The following IREB2 variants were observed in gnomAD, a reference collection of about 807,000 sequenced individuals.
The protein encoded by IREB2 is iron responsive element binding protein 2.
In IREB2, 39 loss-of-function variants were observed where a neutral mutation model predicts 118.8. That is an observed-to-expected ratio of 0.33 (90% CI 0.25 to 0.43). The LOEUF is 0.43. IREB2 is among the 20% of genes least tolerant of loss of function. The pLI, the probability that IREB2 is intolerant of heterozygous loss-of-function variation, is 1.00. For synonymous variants in IREB2, 372 were observed against 392.2 expected (o/e 0.95, Z 0.61); for missense variants, 900 against 1,147.3 (o/e 0.78, Z 3.11).
intron 10 of IREB2, among the ~76,000 whole-genome samples, chr15:78,480,704 A>AAAT (rs2051553410): frequency 6.8e-6 from 1 of 147,966 alleles, no homozygotes; most frequent in Non-Finnish European, 1.5e-5. Flanking sequence ...AAAAAAAAAA[A>AAAT]AATGTCTGGC....
At position 78,499,630 on chromosome 15, in the gene IREB2, G is replaced by A. The variant is rs1469476244; in HGVS notation, c.*1487G>A. The A allele has an allele frequency of 6.6e-6, 1 of 152,122 alleles. No homozygotes were observed. The highest frequency in any genetic ancestry group is 2.4e-5 in the African/African-American group (1 of 41,420). 9.4% of individuals were successfully genotyped at this position (152,122 alleles called of 1,614,324 possible). ...TAGACAATAAGATGGACTAGAGTTC[G>A]ACAAAATGATTTCTTTATTTAAATT... On this transcript the variant is annotated 3_prime_UTR_variant, in exon 22 of 22. Coordinates refer to ENST00000258886, the MANE Select transcript of IREB2 (RefSeq NM_004136.4).
At chr15:78,480,686 TA>T (rs373261767) in intron 10 of IREB2, among the ~76,000 whole-genome samples, 16 of 89,714 alleles carry the variant, frequency 1.8e-4, no homozygotes, top group African/African-American at 6.0e-4. Flanking sequence ...GAGACTGTCT[TA>T]AAAAAAAAAA....
At position 78,485,774 on chromosome 15, in the gene IREB2, C is replaced by G. The variant is rs778451875; in HGVS notation, c.1643C>G (p.Pro548Arg). ...CCTTATATAAGAACAAGTTTATCTC[C>G]AGGCAGTGGGATGGTTACACATTAC... is the stretch of plus-strand genomic sequence containing the variant. Reference protein sequence around the residue: ...VKPYIRTSLSPGSGMVTHYLS... With the variant: ...VKPYIRTSLSRGSGMVTHYLS... The change falls in exon 13 of 22, where the codon CCA becomes CGA. Residue 548 changes from proline to arginine, a missense_variant. Pro to Arg is a moderately radical substitution (Grantham distance 103). Coordinates refer to ENST00000258886, the MANE Select transcript of IREB2 (RefSeq NM_004136.4). 6.2e-7 allele frequency: 1 copy of G among 1,613,810 alleles called. No homozygotes were observed. The highest frequency in any genetic ancestry group is 1.1e-5 in the South Asian group (1 of 91,070).
In IREB2 at chr15:78,490,700, A is replaced by C. The variant is rs1326452082; in HGVS notation, c.2263A>C (p.Ile755Leu). 6.2e-7 allele frequency: 1 copy of C among 1,614,090 alleles called. No individual in the cohort carries two copies. ...YLGDSVTTDH[I>L]SPAGSIARNS... is the part of the protein sequence containing the mutation. The stretch of plus-strand genomic sequence containing the variant: ...GGGAGACTCTGTCACAACAGATCAT[A>C]TATCACCTGCAGGAAGTATCGCTAG... The change falls in exon 18 of 22, where the codon ATA (isoleucine) becomes CTA (leucine). Residue 755 changes from isoleucine to leucine, a missense_variant. Physicochemically the swap from Ile to Leu is conservative, Grantham distance 5. Coordinates refer to ENST00000258886, the MANE Select transcript of IREB2 (RefSeq NM_004136.4).
At chr15:78,487,693 TTG>T in intron 13 of IREB2, 38 bp from the exon 14 acceptor site, 2 of 1,041,826 alleles carry the variant, frequency 1.9e-6, no homozygotes, top group Non-Finnish European at 3.0e-6. Context: ...TCTATAAATG[TTG>T]TGATGTGCTA....
chr15:78,497,240 C>T lies in IREB2; in HGVS notation c.2710C>T (p.Leu904Phe), dbSNP rs141025635. 15 of 1,613,748 alleles carry T rather than the reference C, an allele frequency of 9.3e-6. No individual in the cohort carries two copies. Among genetic ancestry groups the T allele is most frequent in the South Asian group, 8.8e-5 (8 of 91,082 alleles). Residue 904 changes from leucine (L) to phenylalanine (F), a missense_variant, in exon 21 of 22, where the codon CTC (leucine) becomes TTC (phenylalanine). Physicochemically the swap from Leu to Phe is conservative, Grantham distance 22. Transcript: ENST00000258886. Reference sequence around the variant, plus strand: ...AGGAGAAAATGCAGATTCCTTGGGCCTCTCCGGTAGAGAAACATTTTCTTT... The same window carrying T: ...AGGAGAAAATGCAGATTCCTTGGGCTTCTCCGGTAGAGAAACATTTTCTTT... ...LPGENADSLG[L>F]SGRETFSLTF...
At chr15:78,493,623 GA>G (rs1390276691) in intron 18 of IREB2, among the ~76,000 whole-genome samples, 1 of 151,544 alleles carries the variant, frequency 6.6e-6, no homozygotes, top group East Asian at 1.9e-4. Context: ...TTGGTGTAAA[GA>G]TTTTTTTTTA....
At chr15:78,451,909 C>T (rs143336347) in intron 2 of IREB2, among the ~76,000 whole-genome samples, 2,007 of 152,192 alleles carry the variant, frequency 0.013, 65 homozygotes, top group African/African-American at 0.045. Flanking sequence ...GTGATCCACT[C>T]GCCTCAACCT....
At chr15:78,443,023 T>A (rs1485828979) in intron 2 of IREB2, among the ~76,000 whole-genome samples, 1 of 152,204 alleles carries the variant, frequency 6.6e-6, no homozygotes. Flanking sequence ...CTCTTACTCA[T>A]GGGGGATATG....
At chr15:78,497,005 G>A in intron 20 of IREB2, 121 bp from the exon 21 acceptor site, 2 of 671,476 alleles carry the variant, frequency 3.0e-6, no homozygotes, top group East Asian at 2.7e-5. Context: ...TATTGATTCA[G>A]TATGAGATAT....
intron 2 of IREB2, among the ~76,000 whole-genome samples, chr15:78,459,252 T>C (rs2051156985): frequency 6.6e-6 from 1 of 152,246 alleles, no homozygotes; most frequent in Non-Finnish European, 1.5e-5. Context: ...AGCTGTTATA[T>C]AAAAGGACTT....
In IREB2 at chr15:78,501,153, TC is replaced by T. The variant is rs2051938082; in HGVS notation, c.*3011del. ...GAAGAAGAGGGTGGACTTTGGCTTT[TC>T]AGTGTTTTTTCCCCTAAAGAGTGAT... On this transcript the variant is annotated 3_prime_UTR_variant, in exon 22 of 22. Coordinates refer to ENST00000258886, the MANE Select transcript of IREB2 (RefSeq NM_004136.4). 6.6e-6 allele frequency: 1 copy of T among 152,196 alleles called. No individual in the cohort carries two copies. The highest frequency in any genetic ancestry group is 2.1e-4 in the South Asian group (1 of 4,826). The allele number at this position is 152,196 out of a possible 1,614,324, so 9.4% of individuals were successfully genotyped here.
At chr15:78,491,347 T>C (rs925754509) in intron 18 of IREB2, among the ~76,000 whole-genome samples, 5 of 152,162 alleles carry the variant, frequency 3.3e-5, no homozygotes, top group African/African-American at 1.2e-4. Context: ...TGCCCTGTTA[T>C]CAAAGGACTG....
At position 78,470,568 on chromosome 15, in the gene IREB2, C is replaced by G. The variant is rs199867160; in HGVS notation, c.666C>G (p.Phe222Leu). 1 of 1,592,940 alleles carries G rather than the reference C, an allele frequency of 6.3e-7. No homozygotes were observed. The highest frequency in any genetic ancestry group is 8.6e-7 in the Non-Finnish European group (1 of 1,166,116). Residue 222 changes from phenylalanine (F) to leucine (L), a missense_variant, in exon 6 of 22, where the codon TTC becomes TTG. Transcript: ENST00000258886. ...ETVLKNQEVE[F>L]GRNRERLQFF... ...TGTTAAAAAATCAAGAAGTAGAATT[C>G]GGCAGAAATCGAGAGAGGCTTCAGT... is the stretch of plus-strand genomic sequence containing the variant.
intron 9 of IREB2, 26 bp from the exon 10 acceptor site, chr15:78,478,271 T>C: frequency 7.2e-7 from 1 of 1,393,492 alleles, no homozygotes; most frequent in Non-Finnish European, 1.0e-6. Context: ...CACTGCATTT[T>C]GTTGTTTTGT....
rs1555448666 is a variant in IREB2 at position 78,445,139 on chromosome 15, T to TTA, written c.106+5259_106+5260insAT. Among the ~76,000 whole-genome samples, 82 of 92,052 alleles carry TTA rather than the reference T, an allele frequency of 8.9e-4. 6 individuals carry two copies. The highest frequency in any genetic ancestry group is 2.8e-3 in the East Asian group (5 of 1,782). 60.4% of individuals were successfully genotyped at this position (92,052 alleles called of 152,430 possible). A position where few individuals can be genotyped will look rare whatever the true frequency, so the allele number is the denominator to read the frequency against. On this transcript the variant is annotated intron_variant, in intron 2 of 21. Transcript: ENST00000258886. ...TTTACTGTTGGTTCCAGTCTTTATT[T>TTA]TTTTTTTTTTTTTTTTGAGACAGAG...
Position 78,485,794 on chromosome 15 carries a change from C to T in IREB2, c.1663C>T (p.His555Tyr), listed in dbSNP as rs2141514820. ...SLSPGSGMVT[H>Y]YLSSSGVLPY... The stretch of plus-strand genomic sequence containing the variant: ...ATCTCCAGGCAGTGGGATGGTTACA[C>T]ATTACCTCAGTTCAAGTGGAGTATT... Residue 555 changes from histidine to tyrosine, a missense_variant, in exon 13 of 22, where the codon CAT becomes TAT. Coordinates refer to ENST00000258886, the MANE Select transcript of IREB2 (RefSeq NM_004136.4). 6.2e-7 allele frequency: 1 copy of T among 1,613,818 alleles called. No individual in the cohort carries two copies. The highest frequency in any genetic ancestry group is 1.7e-4 in the Middle Eastern group (1 of 6,058).
At chr15:78,449,625 ACATGTCTGCAAGCCAG>A (rs1338362123) in intron 2 of IREB2, among the ~76,000 whole-genome samples, 1 of 152,124 alleles carries the variant, frequency 6.6e-6, no homozygotes, top group East Asian at 1.9e-4. Context: ...AACAAGCAAA[ACATGTCTGCAAGCCAG>A]CAGACATGAA....
At chr15:78,489,052 T>C (rs1276888382) in intron 16 of IREB2, among the ~76,000 whole-genome samples, 1 of 151,996 alleles carries the variant, frequency 6.6e-6, no homozygotes, top group African/African-American at 2.4e-5. Flanking sequence ...AAACCGCATC[T>C]CTACTAAAAA....
Sources: allele counts gnomAD v4.1 joint callset (sites outside exome capture counted in the v4.1 genomes callset), GRCh38; gene constraint gnomAD v4.1.1; transcripts MANE v1.5; gene names NCBI Gene and HGNC (gene_info 2026-07-23, HGNC 2026-07-21).